The following PANK3 variants were observed in gnomAD, a reference collection of about 807,000 sequenced individuals.
The protein encoded by PANK3 is hPanK3.
PANK3 carries 20 observed loss-of-function variants against 39.4 expected under a neutral mutation model. That is an observed-to-expected ratio of 0.51 (90% CI 0.36 to 0.74). The LOEUF (loss-of-function observed/expected upper bound fraction) is 0.74, where lower values mean the gene tolerates loss of function less well. PANK3 is among the 30% of genes least tolerant of loss of function. The pLI is 0.00. For missense variants in PANK3, 265 were observed against 437.0 expected (o/e 0.61, Z 3.51); for synonymous variants, 140 against 157.3 (o/e 0.89, Z 0.82).
chr5:168,567,234 G>T (rs974009478), intron 2 of PANK3, among the ~76,000 whole-genome samples: 1 of 152,214 alleles, frequency 6.6e-6, no homozygotes, highest in Non-Finnish European at 1.5e-5. Context: ...AATCTGGCAT[G>T]TGTAGCTTTG....
chr5:168,568,227 T>C (rs534946230), intron 2 of PANK3, among the ~76,000 whole-genome samples: 15 of 152,172 alleles, frequency 9.9e-5, no homozygotes, highest in East Asian at 1.9e-4. Flanking sequence ...CCAAAAGACA[T>C]TGGTTTCCAG....
intron 1 of PANK3, among the ~76,000 whole-genome samples, chr5:168,570,339 C>T (rs1344389579): frequency 6.0e-5 from 9 of 148,940 alleles, no homozygotes; most frequent in Middle Eastern, 3.5e-3. Flanking sequence ...GAGCAGAGAT[C>T]GCGCCATTGC....
chr5:168,575,465 A>G (rs569710822), intron 1 of PANK3, among the ~76,000 whole-genome samples: 6 of 152,320 alleles, frequency 3.9e-5, no homozygotes, highest in South Asian at 2.1e-4. Context: ...GAACACTAAC[A>G]TAACTATTTA....
Position 168,558,970 on chromosome 5 carries a change from C to G in PANK3, c.1062+62G>C, listed in dbSNP as rs1407254364. 12 of 1,519,794 alleles carry G rather than the reference C, an allele frequency of 7.9e-6. No individual in the cohort carries two copies. The African/African-American group carries it at 1.5e-4, about 19-fold the overall frequency. 94.1% of individuals were successfully genotyped at this position (1,519,794 alleles called of 1,614,324 possible). A position where few individuals can be genotyped will look rare whatever the true frequency, so the allele number is the denominator to read the frequency against. On this transcript the variant is annotated intron_variant, in intron 6 of 6. Transcript: ENST00000239231. ...CTAAACTCAAGCCTGAGTGACAGAG[C>G]AAGACCCTGTCTCTTAAAAAACATG...
chr5:168,578,577 C>A (rs1315068142), intron 1 of PANK3: 1 of 152,176 alleles, frequency 6.6e-6, no homozygotes, highest in Non-Finnish European at 1.5e-5. Flanking sequence ...GTCGACCTTT[C>A]TAAAAGCATA....
At chr5:168,569,341 CGCCT>C (rs1322890514) in intron 1 of PANK3, among the ~76,000 whole-genome samples, 2 of 150,800 alleles carry the variant, frequency 1.3e-5, no homozygotes, top group Non-Finnish European at 3.0e-5. Flanking sequence ...CCCACCACCA[CGCCT>C]GCCTAATTTT....
In PANK3 at chr5:168,550,444, A is replaced by G. The variant is rs1251279410; in HGVS notation, c.*7127T>C. The G allele has an allele frequency of 6.6e-6, 1 of 152,246 alleles. No homozygotes were observed. The highest frequency in any genetic ancestry group is 1.5e-5 in the Non-Finnish European group (1 of 68,044). 9.4% of individuals were successfully genotyped at this position (152,246 alleles called of 1,614,324 possible). ...TAATTTTTTGTACAATGAAAAAGTC[A>G]TAATGCCCATATAATTCTGAAGTTA... On this transcript the variant is annotated 3_prime_UTR_variant, in exon 7 of 7. Transcript: ENST00000239231.
intron 4 of PANK3, 65 bp downstream of exon 4, chr5:168,563,824 C>A: frequency 7.0e-7 from 1 of 1,432,226 alleles, no homozygotes; most frequent in South Asian, 1.5e-5. Flanking sequence ...CATTGCTTTC[C>A]AAAAACATAA....
Position 168,579,334 on chromosome 5 carries a change from C to A in PANK3, c.-51G>T. 4 of 1,410,724 alleles carry A rather than the reference C, an allele frequency of 2.8e-6. No homozygotes were observed. The highest frequency in any genetic ancestry group is 3.7e-6 in the Non-Finnish European group (4 of 1,074,056). 87.4% of individuals were successfully genotyped at this position (1,410,724 alleles called of 1,614,324 possible). On this transcript the variant is annotated 5_prime_UTR_variant, in exon 1 of 7. Coordinates refer to ENST00000239231, the MANE Select transcript of PANK3 (RefSeq NM_024594.4). ...GGCCTCCGATCCGGGGCACTGAGAG[C>A]AGAGGCGGCGACTCCGGAGGTGGCT...
Position 168,556,560 on chromosome 5 carries a change from G to A in PANK3, c.*1011C>T, listed in dbSNP as rs990731370. On this transcript the variant is annotated 3_prime_UTR_variant, in exon 7 of 7. Transcript: ENST00000239231. ...TTTGGATAAAAATCCACATGGCTAT[G>A]GAGTGGGTTTTGTTGGAAAAAGTGA... is the stretch of plus-strand genomic sequence containing the variant. 3 of 152,588 alleles carry A rather than the reference G, an allele frequency of 2.0e-5. No individual in the cohort carries two copies. The highest frequency in any genetic ancestry group is 7.2e-5 in the African/African-American group (3 of 41,408). The allele number at this position is 152,588 out of a possible 1,614,324, so 9.5% of individuals were successfully genotyped here.
intron 1 of PANK3, among the ~76,000 whole-genome samples, chr5:168,570,396 A>AAAAAG (rs1218184463): frequency 1.7e-4 from 26 of 150,904 alleles, no homozygotes; most frequent in East Asian, 5.8e-4. Flanking sequence ...AAAAAAAAAA[A>AAAAAG]AAAGAAAGAA....
chr5:168,550,381 T>A lies in PANK3; in HGVS notation c.*7190A>T, dbSNP rs1035669492. ...TGGGTCTACTGGAACATAACCCTAT[T>A]GTAAGTCAAGGAACATCTGTATTCT... On this transcript the variant is annotated 3_prime_UTR_variant, in exon 7 of 7. Coordinates refer to ENST00000239231, the MANE Select transcript of PANK3 (RefSeq NM_024594.4). 2.0e-5 allele frequency: 3 copies of A among 152,228 alleles called. No individual in the cohort carries two copies. Among genetic ancestry groups the A allele is most frequent in the African/African-American group, 7.2e-5 (3 of 41,460 alleles). The allele number at this position is 152,228 out of a possible 1,614,324, so 9.4% of individuals were successfully genotyped here.
At chr5:168,560,754 A>T (rs1310123799) in intron 5 of PANK3, 1 of 173,200 alleles carries the variant, frequency 5.8e-6, no homozygotes, top group East Asian at 1.8e-4. Context: ...TATATCTATT[A>T]TTATATAAGG....
chr5:168,570,021 G>A (rs779947959), intron 1 of PANK3, among the ~76,000 whole-genome samples: 2 of 152,098 alleles, frequency 1.3e-5, no homozygotes, highest in Non-Finnish European at 2.9e-5. Context: ...CTACACTGCA[G>A]ATTAGGTAAC....
chr5:168,569,001 A>G lies in PANK3; in HGVS notation c.29-3T>C. 2 of 543,204 alleles carry G rather than the reference A, an allele frequency of 3.7e-6. No individual in the cohort carries two copies. The highest frequency in any genetic ancestry group is 5.4e-6 in the Non-Finnish European group (2 of 370,192). The allele number at this position is 543,204 out of a possible 1,614,324, so 33.6% of individuals were successfully genotyped here. A position where few individuals can be genotyped will look rare whatever the true frequency, so the allele number is the denominator to read the frequency against. ...GTCCATGCCAAACCATGGGAAAGCTATGGGAGGAAAAAAAAAAAAAAAAAA... is the reference window on the plus strand; with the variant it reads ...GTCCATGCCAAACCATGGGAAAGCTGTGGGAGGAAAAAAAAAAAAAAAAAA... On this transcript the variant is annotated splice_polypyrimidine_tract_variant and splice_region_variant and intron_variant, in intron 1 of 6. Coordinates refer to ENST00000239231, the MANE Select transcript of PANK3 (RefSeq NM_024594.4).
rs1292476480 is a variant in PANK3 at position 168,557,085 on chromosome 5, T to C, written c.*486A>G. ...TAAAAAAACCTACAATAATTAGTAGTATTGCCTTAACATTTCTAAAATCAC... is the reference window on the plus strand; with the variant it reads ...TAAAAAAACCTACAATAATTAGTAGCATTGCCTTAACATTTCTAAAATCAC... On this transcript the variant is annotated 3_prime_UTR_variant, in exon 7 of 7. Transcript: ENST00000239231. 1 of 153,418 alleles carries C rather than the reference T, an allele frequency of 6.5e-6. No individual in the cohort carries two copies. Among genetic ancestry groups the C allele is most frequent in the East Asian group, 1.9e-4 (1 of 5,218 alleles). 9.5% of individuals were successfully genotyped at this position (153,418 alleles called of 1,614,324 possible).
At chr5:168,578,659 G>A (rs1016466529) in intron 1 of PANK3, 1 of 152,202 alleles carries the variant, frequency 6.6e-6, no homozygotes. Flanking sequence ...GGTTCGCTCC[G>A]GGTGCGGGGA....
At chr5:168,567,016 T>C (rs530228576) in intron 2 of PANK3, among the ~76,000 whole-genome samples, 187 of 152,328 alleles carry the variant, frequency 1.2e-3, no homozygotes, top group South Asian at 2.1e-3. Context: ...AGTGCTGGAA[T>C]TACAGGCGTG....
Position 168,569,007 on chromosome 5 carries a change from G to GTT in PANK3, c.29-10_29-9insAA. 1 of 179,520 alleles carries GTT rather than the reference G, an allele frequency of 5.6e-6. No individual in the cohort carries two copies. Among genetic ancestry groups the GTT allele is most frequent in the Non-Finnish European group, 7.5e-6 (1 of 132,788 alleles). 11.1% of individuals were successfully genotyped at this position (179,520 alleles called of 1,614,324 possible). On this transcript the variant is annotated splice_polypyrimidine_tract_variant and intron_variant, in intron 1 of 6. Coordinates refer to ENST00000239231, the MANE Select transcript of PANK3 (RefSeq NM_024594.4). ...GCCAAACCATGGGAAAGCTATGGGAGGAAAAAAAAAAAAAAAAAAAAAAAT... is the reference window on the plus strand; with the variant it reads ...GCCAAACCATGGGAAAGCTATGGGAGTTGAAAAAAAAAAAAAAAAAAAAAAAT...
Sources: gnomAD v4.1 joint callset for allele counts (sites outside exome capture counted in the v4.1 genomes callset) on GRCh38, gnomAD v4.1.1 for gene constraint, MANE v1.5 for transcripts, NCBI Gene and HGNC (gene_info 2026-07-23, HGNC 2026-07-21) for gene names.